Variants in DLEC1 observed in about 807,000 individuals in gnomAD.
The protein encoded by DLEC1 is deleted in lung and esophageal cancer protein 1.
DLEC1 carries 146 observed loss-of-function variants against 198.1 expected under a neutral mutation model. The observed-to-expected ratio is 0.74, with a 90% CI of 0.64 to 0.85. The LOEUF is 0.85. DLEC1 is among the 40% of genes least tolerant of loss of function. The pLI, the probability that DLEC1 is intolerant of heterozygous loss-of-function variation, is 0.00. For missense variants in DLEC1, 2,233 were observed against 2,220.0 expected (o/e 1.01, Z -0.12); for synonymous variants, 897 against 866.8 (o/e 1.03, Z -0.61).
In DLEC1 at chr3:38,039,404, C is replaced by T. The variant is rs374359206; in HGVS notation, c.179C>T (p.Ala60Val). ...AYSEAFHYSF[A>V]ARPRRLTQLA... is the part of the protein sequence containing the mutation. The stretch of plus-strand genomic sequence containing the variant: ...TCTGAGGCCTTCCACTACAGCTTCG[C>T]AGCCCGGCCCCGCCGCCTCACGCAG... The change falls in exon 1 of 37, where the codon GCA (alanine) becomes GTA (valine). Residue 60 changes from alanine (A) to valine (V), a missense_variant. Transcript: ENST00000308059. 1.2e-6 allele frequency: 2 copies of T among 1,613,856 alleles called. No individual in the cohort carries two copies. Among genetic ancestry groups the T allele is most frequent in the Non-Finnish European group, 1.7e-6 (2 of 1,179,886 alleles).
At chr3:38,091,418 C>T (rs1575183950) in intron 10 of DLEC1, among the ~76,000 whole-genome samples, 2 of 152,094 alleles carry the variant, frequency 1.3e-5, no homozygotes, top group East Asian at 3.9e-4. Flanking sequence ...GAGAAATGAT[C>T]ACACCACTGC....
At chr3:38,114,944 T>C (rs770901841) in intron 26 of DLEC1, 39 bp from the exon 27 acceptor site, 14 of 1,592,054 alleles carry the variant, frequency 8.8e-6, no homozygotes, top group Non-Finnish European at 1.2e-5. Context: ...AGGTGTACGC[T>C]GGCTGTGGCT....
intron 10 of DLEC1, among the ~76,000 whole-genome samples, chr3:38,090,705 C>T (rs896196212): frequency 2.0e-5 from 3 of 152,192 alleles, no homozygotes; most frequent in Non-Finnish European, 2.9e-5. Context: ...CCTTACCATG[C>T]GGATTGTACC....
intron 6 of DLEC1, among the ~76,000 whole-genome samples, chr3:38,083,671 C>T (rs554652872): frequency 7.3e-4 from 111 of 152,100 alleles, no homozygotes; most frequent in Non-Finnish European, 8.8e-4. Context: ...GCCATCTGGG[C>T]ATATACCTGC....
intron 21 of DLEC1, among the ~76,000 whole-genome samples, chr3:38,108,970 TG>T (rs1304678620): frequency 6.6e-6 from 1 of 152,208 alleles, no homozygotes; most frequent in Non-Finnish European, 1.5e-5. Context: ...GCTGTCCCTT[TG>T]TGGTTCTTGT....
rs1308488644 is a variant in DLEC1, at chr3:38,107,666, G to T, written c.2947G>T (p.Gly983Cys). ...SQVEVRNLYL[G>C]VPTKTTITLI... ...GGTGGAGGTTAGAAATCTCTACCTG[G>T]GTGTGCCCACGAAGACAACCATCAC... is the stretch of plus-strand genomic sequence containing the variant. Residue 983 changes from glycine to cysteine, a missense_variant, in exon 20 of 37, where the codon GGT becomes TGT. Physicochemically the swap from Gly to Cys is radical, Grantham distance 159. Transcript: ENST00000308059. 6.2e-7 allele frequency: 1 copy of T among 1,614,036 alleles called. No homozygotes were observed. Among genetic ancestry groups the T allele is most frequent in the South Asian group, 1.1e-5 (1 of 91,064 alleles).
chr3:38,067,022 A>C (rs13083423), intron 6 of DLEC1, among the ~76,000 whole-genome samples: 29,564 of 152,136 alleles, frequency 0.19, 3,463 homozygotes, highest in East Asian at 0.35. Flanking sequence ...GGACTTATGG[A>C]AGATATTCTT....
intron 6 of DLEC1, among the ~76,000 whole-genome samples, chr3:38,082,371 A>G (rs1282440106): frequency 2.3e-5 from 3 of 130,072 alleles, no homozygotes; most frequent in Admixed American, 7.6e-5. Context: ...AGGCAGAGAC[A>G]CTCCTCACTT....
rs772223976 is a variant in DLEC1, at chr3:38,121,715, C to T, written c.4954C>T (p.Gln1652Ter). The change falls in exon 35 of 37, where the codon CAG (glutamine) becomes TAG (stop). Residue 1652 changes from glutamine to a stop codon, truncating the protein, a stop_gained. Coordinates refer to ENST00000308059, the MANE Select transcript of DLEC1 (RefSeq NM_007335.4). LOFTEE classifies it high-confidence loss of function. Reference protein sequence around the residue: ...VDFGTCFVSQQRVREVYLMNL... With the variant: ...VDFGTCFVSQ Reference sequence around the variant, plus strand: ...CTTTGGGACCTGCTTTGTGAGCCAGCAGCGAGTCCGGGAGGTCTACCTGAT... The same window carrying T: ...CTTTGGGACCTGCTTTGTGAGCCAGTAGCGAGTCCGGGAGGTCTACCTGAT... 1 of 1,614,098 alleles carries T rather than the reference C, an allele frequency of 6.2e-7. No homozygotes were observed. The highest frequency in any genetic ancestry group is 8.5e-7 in the Non-Finnish European group (1 of 1,179,980).
At chr3:38,089,889 A>G (rs916757412) in intron 10 of DLEC1, among the ~76,000 whole-genome samples, 4 of 152,216 alleles carry the variant, frequency 2.6e-5, no homozygotes, top group African/African-American at 9.7e-5. Flanking sequence ...TTAAAAATTC[A>G]AAAGAGAGAC....
intron 6 of DLEC1, among the ~76,000 whole-genome samples, chr3:38,065,210 C>T (rs921866473): frequency 1.3e-5 from 2 of 152,372 alleles, no homozygotes; most frequent in Non-Finnish European, 2.9e-5. Flanking sequence ...TGGCGGCGCA[C>T]GCCTGCAATC....
In DLEC1 at chr3:38,122,501, G is replaced by A. The variant is rs756890825; in HGVS notation, c.*89G>A. 7 of 1,612,790 alleles carry A rather than the reference G, an allele frequency of 4.3e-6. No homozygotes were observed. The highest frequency in any genetic ancestry group is 5.9e-6 in the Non-Finnish European group (7 of 1,179,738). On this transcript the variant is annotated 3_prime_UTR_variant, in exon 37 of 37. Coordinates refer to ENST00000308059, the MANE Select transcript of DLEC1 (RefSeq NM_007335.4). The stretch of plus-strand genomic sequence containing the variant: ...AGCAGCTCTTCAGCACAAAGACACA[G>A]ACTTGGGGACCTGGGGACCTCTGGG...
At chr3:38,085,024 A>G (rs992898675) in intron 7 of DLEC1, among the ~76,000 whole-genome samples, 7 of 152,238 alleles carry the variant, frequency 4.6e-5, no homozygotes, top group Non-Finnish European at 8.8e-5. Context: ...CCATAGGGCC[A>G]GGCATGGCCC....
intron 9 of DLEC1, 99 bp downstream of exon 9, chr3:38,086,476 A>G (rs1039640763): frequency 9.6e-6 from 14 of 1,459,918 alleles, no homozygotes; most frequent in Admixed American, 2.2e-5. Context: ...TTGGAAACAC[A>G]CAGAACGCAG....
intron 1 of DLEC1, among the ~76,000 whole-genome samples, chr3:38,042,846 C>T (rs767137283): frequency 3.9e-5 from 6 of 152,164 alleles, no homozygotes; most frequent in Admixed American, 2.6e-4. Flanking sequence ...TGAGACACTG[C>T]GCCCAGCAAT....
At chr3:38,087,990 C>T (rs769293167) in intron 9 of DLEC1, among the ~76,000 whole-genome samples, 37 of 152,222 alleles carry the variant, frequency 2.4e-4, no homozygotes, top group Non-Finnish European at 4.7e-4. Context: ...CCTTCTCACA[C>T]GCTTGTCACT....
chr3:38,048,423 G>T (rs968004675), intron 2 of DLEC1, among the ~76,000 whole-genome samples: 4 of 152,252 alleles, frequency 2.6e-5, no homozygotes, highest in Non-Finnish European at 4.4e-5. Context: ...AGATCTAAGG[G>T]AGGAAGAAGT....
In DLEC1 at chr3:38,063,694, G is replaced by A. The variant is rs933661052; in HGVS notation, c.1095-147G>A. On this transcript the variant is annotated intron_variant, in intron 5 of 36. Coordinates refer to ENST00000308059, the MANE Select transcript of DLEC1 (RefSeq NM_007335.4). The stretch of plus-strand genomic sequence containing the variant: ...ATTTTATAACCTGCATTAACAATAA[G>A]ATCCAAAAACCCCCCAACAAATGGT... The A allele has an allele frequency of 7.0e-6, 4 of 572,410 alleles. No homozygotes were observed. In the African/African-American group the frequency reaches 7.7e-5, roughly 11 times the overall value. 35.5% of individuals were successfully genotyped at this position (572,410 alleles called of 1,614,324 possible).
In DLEC1 at chr3:38,081,470, C is replaced by T. The variant is rs1281990202; in HGVS notation, c.1174-2688C>T. ...CTGACCCCCCAACCTCCCTCCCGGACGGGGCGGCTGGCCGGGCAGAGGGGC... is the reference window on the plus strand; with the variant it reads ...CTGACCCCCCAACCTCCCTCCCGGATGGGGCGGCTGGCCGGGCAGAGGGGC... On this transcript the variant is annotated intron_variant, in intron 6 of 36. Transcript: ENST00000308059. Among the ~76,000 whole-genome samples, 14 of 85,838 alleles carry T rather than the reference C, an allele frequency of 1.6e-4. 2 individuals carry two copies. The highest frequency in any genetic ancestry group is 9.0e-4 in the Admixed American group (8 of 8,922). The allele number at this position is 85,838 out of a possible 152,430, so 56.3% of individuals were successfully genotyped here.
Sources: gnomAD v4.1 joint callset for allele counts (sites outside exome capture counted in the v4.1 genomes callset) on GRCh38, gnomAD v4.1.1 for gene constraint, MANE v1.5 for transcripts, NCBI Gene and HGNC (gene_info 2026-07-23, HGNC 2026-07-21) for gene names.